The following PRKAR1B variants were observed in gnomAD, a reference collection of about 807,000 sequenced individuals.
PRKAR1B encodes cAMP-dependent protein kinase type I-beta regulatory subunit.
PRKAR1B carries 22 observed loss-of-function variants against 46.5 expected under a neutral mutation model. The observed-to-expected ratio is 0.47, with a 90% confidence interval of 0.34 to 0.68. The LOEUF is 0.68. Ranked by LOEUF, PRKAR1B falls within the 30% of genes least tolerant of loss-of-function variation. The pLI is 0.01. For missense variants in PRKAR1B, 445 were observed against 535.6 expected (o/e 0.83, Z 1.67); for synonymous variants, 259 against 217.7 (o/e 1.19, Z -1.67).
chr7:601,537 C>T (rs1018963938), intron 6 of PRKAR1B, among the ~76,000 whole-genome samples: 2 of 152,266 alleles, frequency 1.3e-5, no homozygotes, highest in African/African-American at 2.4e-5. Flanking sequence ...TTCACCCACA[C>T]GGGCCCTGCG....
At chr7:672,126 T>C (rs1306813992) in intron 4 of PRKAR1B, among the ~76,000 whole-genome samples, 3 of 152,132 alleles carry the variant, frequency 2.0e-5, no homozygotes, top group African/African-American at 7.2e-5. Context: ...CTGGAAGTAT[T>C]TGTCGTCTTA....
In PRKAR1B at chr7:714,535, C is replaced by T. The variant is rs1199540821; in HGVS notation, c.-22-3008G>A. Among the ~76,000 whole-genome samples the T allele has an allele frequency of 2.6e-5, 4 of 152,242 alleles. No individual in the cohort carries two copies. Among genetic ancestry groups the T allele is most frequent in the African/African-American group, 9.6e-5 (4 of 41,470 alleles). ...CTCATTGCCACGACGGCAGCTCCCA[C>T]TGCCTCTCTCTTTCACACTTTTCCC... On this transcript the variant is annotated intron_variant, in intron 1 of 10. Transcript: ENST00000537384. The surrounding 1 kb of genome is among the most constrained non-coding windows in gnomAD (Gnocchi z 4.3).
At chr7:620,734 G>A (rs952390339) in intron 4 of PRKAR1B, among the ~76,000 whole-genome samples, 5 of 152,156 alleles carry the variant, frequency 3.3e-5, no homozygotes, top group African/African-American at 1.2e-4. Context: ...CCATAGACAT[G>A]ATCAAATTCA....
At chr7:726,412 G>A (rs1781281565) in intron 1 of PRKAR1B, among the ~76,000 whole-genome samples, 1 of 152,126 alleles carries the variant, frequency 6.6e-6, no homozygotes, top group Admixed American at 6.5e-5. Context: ...TAGGCTGCAG[G>A]GCAGGCTTCC....
intron 2 of PRKAR1B, among the ~76,000 whole-genome samples, chr7:710,529 T>C (rs1780564844): frequency 6.6e-6 from 1 of 151,896 alleles, no homozygotes. Flanking sequence ...GGCCTGAGCT[T>C]CTCCCCGACC....
At chr7:576,062 C>T (rs1405931792) in intron 9 of PRKAR1B, among the ~76,000 whole-genome samples, 1 of 151,592 alleles carries the variant, frequency 6.6e-6, no homozygotes, top group Non-Finnish European at 1.5e-5. Flanking sequence ...AATGTGCACA[C>T]AGGCATCCTC....
chr7:554,250 T>C (rs1778266210), intron 9 of PRKAR1B, among the ~76,000 whole-genome samples: 2 of 152,020 alleles, frequency 1.3e-5, no homozygotes, highest in African/African-American at 4.8e-5. Flanking sequence ...GAGAATTCGG[T>C]GCGAGAAAAT....
chr7:553,721 C>T (rs543961505), intron 9 of PRKAR1B, among the ~76,000 whole-genome samples: 1 of 147,314 alleles, frequency 6.8e-6, no homozygotes, highest in East Asian at 2.1e-4. Context: ...ATGAGTAACT[C>T]CCCACCTCAT....
chr7:727,268 G>A lies in PRKAR1B; in HGVS notation c.-81C>T. On this transcript the variant is annotated 5_prime_UTR_variant, in exon 1 of 11. Coordinates refer to ENST00000537384, the MANE Select transcript of PRKAR1B (RefSeq NM_001164760.2). ...CTGCTCGACCCCTTCGCCGCCGTGC[G>A]CCGCGAGAGCTGCAGCTGCGCCGCC... is the stretch of plus-strand genomic sequence containing the variant. 2 of 1,323,318 alleles carry A rather than the reference G, an allele frequency of 1.5e-6. No homozygotes were observed. The highest frequency in any genetic ancestry group is 2.0e-5 in the South Asian group (1 of 50,660). 82.0% of individuals were successfully genotyped at this position (1,323,318 alleles called of 1,614,324 possible).
chr7:669,825 CAA>C (rs1786127805), intron 4 of PRKAR1B, among the ~76,000 whole-genome samples: 1 of 150,372 alleles, frequency 6.7e-6, no homozygotes, highest in South Asian at 2.1e-4. Flanking sequence ...ACAATGAAAA[CAA>C]GAGCGAGAGA....
At chr7:618,808 G>A (rs992114311) in intron 4 of PRKAR1B, among the ~76,000 whole-genome samples, 14 of 152,118 alleles carry the variant, frequency 9.2e-5, no homozygotes, top group African/African-American at 1.9e-4. Flanking sequence ...TTTAGATACC[G>A]GTTGCTTGTC....
intron 9 of PRKAR1B, among the ~76,000 whole-genome samples, chr7:556,701 C>T (rs908744346): frequency 2.6e-5 from 4 of 152,254 alleles, no homozygotes; most frequent in African/African-American, 7.2e-5. Context: ...GCCTGTGGAT[C>T]GGGAACAGTT....
rs368968619 is a variant in PRKAR1B at position 579,888 on chromosome 7, G to A, written c.770-511C>T. ...GAGGCAGGAGGATCGCTTGAGGCCA[G>A]GAGTTCAAGACCAGCCAGGCCGACA... is the stretch of plus-strand genomic sequence containing the variant. On this transcript the variant is annotated intron_variant, in intron 8 of 10. Coordinates refer to ENST00000537384, the MANE Select transcript of PRKAR1B (RefSeq NM_001164760.2). Among the ~76,000 whole-genome samples, 4 of 151,570 alleles carry A rather than the reference G, an allele frequency of 2.6e-5. No homozygotes were observed. The East Asian group carries it at 7.8e-4, about 29-fold the overall frequency.
intron 2 of PRKAR1B, among the ~76,000 whole-genome samples, chr7:689,951 G>A (rs1468245780): frequency 6.6e-6 from 1 of 150,982 alleles, no homozygotes; most frequent in Non-Finnish European, 1.5e-5. Context: ...AAAGTGCTGG[G>A]ATTACAGGCA....
chr7:656,404 AATGT>A, intron 4 of PRKAR1B, among the ~76,000 whole-genome samples: 1 of 152,276 alleles, frequency 6.6e-6, no homozygotes, highest in African/African-American at 2.4e-5. Context: ...TGAAGAAATG[AATGT>A]ATGAATGGAT....
chr7:551,308 C>T (rs972598239), intron 10 of PRKAR1B, 81 bp downstream of exon 10: 2 of 1,361,760 alleles, frequency 1.5e-6, no homozygotes, highest in African/African-American at 2.9e-5. Context: ...CCCCCAGCAG[C>T]TCCTCACCTC....
chr7:585,330 G>C (rs1031320654), intron 7 of PRKAR1B, among the ~76,000 whole-genome samples: 11 of 152,126 alleles, frequency 7.2e-5, no homozygotes, highest in African/African-American at 2.4e-4. Flanking sequence ...TCAACCCTCT[G>C]CCTGGGCCTT....
chr7:695,757 G>A (rs1304477144), intron 2 of PRKAR1B, among the ~76,000 whole-genome samples: 6 of 150,328 alleles, frequency 4.0e-5, no homozygotes, highest in African/African-American at 1.5e-4. Context: ...TCCGCCTCCC[G>A]GGTTCATGCC....
At chr7:641,185 C>T (rs927357951) in intron 4 of PRKAR1B, among the ~76,000 whole-genome samples, 8 of 152,168 alleles carry the variant, frequency 5.3e-5, no homozygotes, top group Admixed American at 4.6e-4. Flanking sequence ...ATCTCCCGAC[C>T]TCATGATCCG....
Sources: gnomAD v4.1 joint callset for allele counts (sites outside exome capture counted in the v4.1 genomes callset) on GRCh38, gnomAD v4.1.1 for gene constraint, Gnocchi (gnomAD v3.1) non-coding constraint, MANE v1.5 for transcripts, NCBI Gene and HGNC (gene_info 2026-07-23, HGNC 2026-07-21) for gene names.